RELN: variants seen among roughly 807,000 people sequenced by gnomAD.
RELN encodes reelin.
Under a neutral mutation model 427.6 loss-of-function variants are expected in RELN, and 108 were observed. The ratio of observed to expected loss-of-function variants is 0.25; its 90% CI spans 0.22 to 0.30. RELN has a LOEUF of 0.30. Ranked by LOEUF, RELN falls within the 10% of genes least tolerant of loss-of-function variation. RELN has a pLI of 1.00. For synonymous variants in RELN, 1,524 were observed against 1,513.4 expected, an observed-to-expected ratio of 1.01 and a Z score of -0.16; for missense variants, 3,715 against 4,302.8, an observed-to-expected ratio of 0.86 and a Z score of 3.82.
At chr7:103,606,548 C>G (rs939983170) in intron 22 of RELN, among the ~76,000 whole-genome samples, 1 of 151,442 alleles carries the variant, frequency 6.6e-6, no homozygotes, top group Non-Finnish European at 1.5e-5. Context: ...TATAATGATT[C>G]CTCTGCTGGT....
At chr7:103,983,650 A>C (rs1297254982) in intron 1 of RELN, among the ~76,000 whole-genome samples, 1 of 152,190 alleles carries the variant, frequency 6.6e-6, no homozygotes, top group Non-Finnish European at 1.5e-5. Context: ...GGGTGGATTA[A>C]TCACCCCAAT....
intron 11 of RELN, among the ~76,000 whole-genome samples, chr7:103,671,448 TA>T (rs1315406625): frequency 2.6e-5 from 4 of 152,066 alleles, no homozygotes; most frequent in African/African-American, 9.7e-5. Flanking sequence ...GCTTTCTCAT[TA>T]ATAAGACACT....
At chr7:103,848,494 T>A (rs376075601) in intron 2 of RELN, among the ~76,000 whole-genome samples, 1 of 152,018 alleles carries the variant, frequency 6.6e-6, no homozygotes, top group African/African-American at 2.4e-5. Flanking sequence ...AACAGCTACT[T>A]CCCCCCGAAT....
chr7:103,926,626 A>AGTTTTTTTTT (rs1563095205), intron 1 of RELN, among the ~76,000 whole-genome samples: 3 of 120,460 alleles, frequency 2.5e-5, no homozygotes, highest in Non-Finnish European at 1.7e-5. Context: ...AAGTATCATA[A>AGTTTTTTTTT]GTTTTTTTTT....
chr7:103,567,589 G>C (rs573045696), intron 31 of RELN, among the ~76,000 whole-genome samples: 1 of 152,192 alleles, frequency 6.6e-6, no homozygotes, highest in Admixed American at 6.5e-5. Flanking sequence ...TTAAGAATAA[G>C]ACTGTGCCAG....
intron 24 of RELN, among the ~76,000 whole-genome samples, chr7:103,600,923 T>C (rs960119790): frequency 6.6e-6 from 1 of 152,232 alleles, no homozygotes; most frequent in Non-Finnish European, 1.5e-5. Flanking sequence ...CTTTACTCTT[T>C]ACTTGCATCG....
chr7:103,806,099 T>C (rs1433144949), intron 3 of RELN, among the ~76,000 whole-genome samples: 1 of 152,236 alleles, frequency 6.6e-6, no homozygotes, highest in Non-Finnish European at 1.5e-5. Flanking sequence ...TAGAGAAATC[T>C]AAAATAGTCA....
chr7:103,575,790 A>T (rs1830985710), intron 28 of RELN, 85 bp from the exon 29 acceptor site: 1 of 1,425,720 alleles, frequency 7.0e-7, no homozygotes, highest in Admixed American at 1.7e-5. Flanking sequence ...GAAAAACTCA[A>T]CAGAGACTTA....
At chr7:103,473,597 A>G (rs1253119342) in intron 64 of RELN, among the ~76,000 whole-genome samples, 1 of 152,302 alleles carries the variant, frequency 6.6e-6, no homozygotes, top group Non-Finnish European at 1.5e-5. Flanking sequence ...GTAAATATGT[A>G]TGTATGTTTT....
In RELN at chr7:103,498,895, ATGTAT is replaced by A. The variant is rs1237218123; in HGVS notation, c.8668-648_8668-644del. Among the ~76,000 whole-genome samples the A allele has an allele frequency of 3.3e-5, 5 of 152,352 alleles. No individual in the cohort carries two copies. The East Asian group carries it at 5.8e-4, about 18-fold the overall frequency. ...TATAGTATATAAAAGTATTATTGTA[ATGTAT>A]TATATTATGAAACATGCCAAAAGGA... On this transcript the variant is annotated intron_variant, in intron 53 of 64. Transcript: ENST00000428762.
chr7:103,669,640 C>G (rs948799901), intron 11 of RELN, among the ~76,000 whole-genome samples: 1 of 150,706 alleles, frequency 6.6e-6, no homozygotes, highest in Admixed American at 6.7e-5. Context: ...TCTTTGAGAC[C>G]AGTAGTGGTT....
chr7:103,551,895 CCTAT>C (rs1053900979), intron 40 of RELN, among the ~76,000 whole-genome samples: 2 of 151,732 alleles, frequency 1.3e-5, no homozygotes, highest in Non-Finnish European at 2.9e-5. Flanking sequence ...AGTGAATTAA[CCTAT>C]CTATCACCTT....
intron 16 of RELN, among the ~76,000 whole-genome samples, chr7:103,644,079 G>C (rs953256693): frequency 1.3e-5 from 2 of 151,616 alleles, no homozygotes; most frequent in Non-Finnish European, 2.9e-5. Context: ...ACCCTACACA[G>C]CATACATTAT....
intron 28 of RELN, among the ~76,000 whole-genome samples, chr7:103,587,005 C>T (rs1379696775): frequency 3.9e-5 from 6 of 152,132 alleles, no homozygotes. Flanking sequence ...TTACCAATGT[C>T]ATTTTTCACA....
At chr7:103,623,456 ATTC>A (rs1278486069) in intron 20 of RELN, among the ~76,000 whole-genome samples, 2 of 152,190 alleles carry the variant, frequency 1.3e-5, no homozygotes, top group African/African-American at 4.8e-5. Context: ...CTATAGGTTG[ATTC>A]ATTTTATAAA....
chr7:103,619,611 T>C (rs981823208), intron 20 of RELN, among the ~76,000 whole-genome samples: 4 of 152,242 alleles, frequency 2.6e-5, no homozygotes, highest in African/African-American at 9.6e-5. Context: ...TTTGCCCACG[T>C]CACCGCATTT....
intron 11 of RELN, among the ~76,000 whole-genome samples, chr7:103,665,570 T>A (rs980832505): frequency 6.6e-6 from 1 of 152,158 alleles, no homozygotes; most frequent in Non-Finnish European, 1.5e-5. Context: ...GATGTCTCTT[T>A]AGTTACTGAT....
intron 3 of RELN, among the ~76,000 whole-genome samples, chr7:103,815,706 T>C (rs796638295): frequency 1.3e-5 from 2 of 152,246 alleles, no homozygotes; most frequent in African/African-American, 4.8e-5. Context: ...AAGACAAATG[T>C]CTATCCCCCA....
chr7:103,870,506 A>G (rs1233850115), intron 2 of RELN, among the ~76,000 whole-genome samples: 1 of 152,072 alleles, frequency 6.6e-6, no homozygotes, highest in African/African-American at 2.4e-5. Context: ...GGCAAGATTC[A>G]GCATCCAAGC....
Sources: gnomAD v4.1 joint callset for allele counts (sites outside exome capture counted in the v4.1 genomes callset) on GRCh38, gnomAD v4.1.1 for gene constraint, MANE v1.5 for transcripts, NCBI Gene and HGNC (gene_info 2026-07-23, HGNC 2026-07-21) for gene names.